Variants in PDE1A observed in about 807,000 individuals in gnomAD.
PDE1A encodes phosphodiesterase 1A.
PDE1A carries 35 observed loss-of-function variants against 61.7 expected under a neutral mutation model. The ratio of observed to expected loss-of-function variants is 0.57; its 90% CI spans 0.43 to 0.75. The LOEUF (loss-of-function observed/expected upper bound fraction) is 0.75, where lower values mean the gene tolerates loss of function less well. Among genes scored for constraint, PDE1A ranks in the 30% least tolerant of loss-of-function variants. The pLI, the probability that PDE1A is intolerant of heterozygous loss-of-function variation, is 0.00. For missense variants in PDE1A, 597 were observed against 630.6 expected (o/e 0.95, Z 0.57); for synonymous variants, 232 against 213.2 (o/e 1.09, Z -0.77).
At chr2:182,499,414 G>C (rs1198105505) in intron 2 of PDE1A, among the ~76,000 whole-genome samples, 1 of 152,126 alleles carries the variant, frequency 6.6e-6, no homozygotes, top group Non-Finnish European at 1.5e-5. Context: ...AGTAGGGACA[G>C]GATTTTACCA....
At chr2:182,480,867 A>C (rs1322784693) in intron 2 of PDE1A, among the ~76,000 whole-genome samples, 1 of 151,866 alleles carries the variant, frequency 6.6e-6, no homozygotes, top group African/African-American at 2.4e-5. Flanking sequence ...GGCTGCATTC[A>C]TGGAAGGGAT....
the PDE1A span, among the ~76,000 whole-genome samples, chr2:182,695,766 G>A: frequency 6.6e-5 from 10 of 151,308 alleles, no homozygotes; most frequent in Non-Finnish European, 1.3e-4. Context: ...ATATCTCATA[G>A]CGGACTGTTA....
chr2:182,663,427 T>C, the PDE1A span, among the ~76,000 whole-genome samples: 1 of 152,210 alleles, frequency 6.6e-6, no homozygotes, highest in Non-Finnish European at 1.5e-5. Context: ...ACAACCTTAA[T>C]GCCTATCTAT....
chr2:182,628,862 A>G, the PDE1A span, among the ~76,000 whole-genome samples: 4 of 152,118 alleles, frequency 2.6e-5, no homozygotes, highest in African/African-American at 9.7e-5. Flanking sequence ...CAGTCCTTGG[A>G]TAAGTGGGAC....
At chr2:182,433,569 T>C (rs1356700499) in intron 2 of PDE1A, among the ~76,000 whole-genome samples, 1 of 152,058 alleles carries the variant, frequency 6.6e-6, no homozygotes, top group Non-Finnish European at 1.5e-5. Flanking sequence ...AATATTGTCT[T>C]AAAGGGGCTC....
intron 1 of PDE1A, among the ~76,000 whole-genome samples, chr2:182,373,785 A>G (rs1427949459): frequency 6.6e-6 from 1 of 152,214 alleles, no homozygotes; most frequent in African/African-American, 2.4e-5. Context: ...AGGCAGGGAC[A>G]GATTAAAAAT....
At chr2:182,419,429 G>C (rs1020124941) in intron 1 of PDE1A, among the ~76,000 whole-genome samples, 1 of 150,406 alleles carries the variant, frequency 6.6e-6, no homozygotes, top group African/African-American at 2.4e-5. Context: ...CCCACCTCCT[G>C]GATTCAAGCA....
At chr2:182,256,145 T>A (rs1263393530) in intron 2 of PDE1A, among the ~76,000 whole-genome samples, 2 of 146,220 alleles carry the variant, frequency 1.4e-5, no homozygotes, top group Non-Finnish European at 3.0e-5. Flanking sequence ...GCAGGTTAGT[T>A]ACATATGTAT....
chr2:182,437,378 ACT>A (rs1310781381), intron 2 of PDE1A, among the ~76,000 whole-genome samples: 3 of 151,908 alleles, frequency 2.0e-5, no homozygotes, highest in Admixed American at 2.0e-4. Context: ...ATTAATTAAA[ACT>A]CTCTACCTTT....
At chr2:182,262,208 T>C (rs1461366617) in intron 2 of PDE1A, among the ~76,000 whole-genome samples, 1 of 110,994 alleles carries the variant, frequency 9.0e-6, no homozygotes, top group Non-Finnish European at 1.8e-5. Flanking sequence ...TTCTCTTTCC[T>C]TCTTTCTTTC....
chr2:182,679,005 C>CTTTTTTTT, the PDE1A span, among the ~76,000 whole-genome samples: 1 of 127,658 alleles, frequency 7.8e-6, no homozygotes, highest in African/African-American at 2.9e-5. Flanking sequence ...TTTGGTTTCT[C>CTTTTTTTT]TTTTTTTTTT....
chr2:182,444,647 C>G (rs1209361087), intron 2 of PDE1A, among the ~76,000 whole-genome samples: 1 of 151,924 alleles, frequency 6.6e-6, no homozygotes, highest in Non-Finnish European at 1.5e-5. Flanking sequence ...CTCTCTCTTT[C>G]TTGCTGAGAC....
At chr2:182,533,379 A>G in the PDE1A span, among the ~76,000 whole-genome samples, 2 of 152,342 alleles carry the variant, frequency 1.3e-5, no homozygotes, top group East Asian at 3.9e-4. Context: ...TGTTCTATTG[A>G]TATATCAATA....
chr2:182,668,730 C>T, the PDE1A span, among the ~76,000 whole-genome samples: 165 of 152,298 alleles, frequency 1.1e-3, no homozygotes, highest in South Asian at 0.018. Context: ...TCGGCTCCTG[C>T]TGCCCCAACG....
the PDE1A span, among the ~76,000 whole-genome samples, chr2:182,713,594 G>A: frequency 6.6e-6 from 1 of 152,172 alleles, no homozygotes; most frequent in Non-Finnish European, 1.5e-5. Context: ...TCGCACCATT[G>A]CACTCCAGCC....
the PDE1A span, among the ~76,000 whole-genome samples, chr2:182,691,254 G>A: frequency 0.09 from 13,741 of 152,170 alleles, 2,072 homozygotes; most frequent in African/African-American, 0.31. Context: ...AAAGCTGGAC[G>A]CATCACACTA....
chr2:182,323,066 G>T (rs1243825628), intron 1 of PDE1A, among the ~76,000 whole-genome samples: 9 of 152,040 alleles, frequency 5.9e-5, no homozygotes, highest in Admixed American at 5.9e-4. Flanking sequence ...AAAGTTGTCT[G>T]CTGACTTATT....
chr2:182,190,369 C>G (rs944544360), intron 10 of PDE1A, among the ~76,000 whole-genome samples: 1 of 152,148 alleles, frequency 6.6e-6, no homozygotes, highest in African/African-American at 2.4e-5. Flanking sequence ...GATTTATACT[C>G]AGCTTAAAGG....
At chr2:182,203,174 G>A (rs1471498666) in intron 8 of PDE1A, among the ~76,000 whole-genome samples, 2 of 151,902 alleles carry the variant, frequency 1.3e-5, no homozygotes, top group Non-Finnish European at 2.9e-5. Flanking sequence ...AAAAAAATTA[G>A]CCAGCCCTGG....
Sources: allele counts gnomAD v4.1 joint callset (sites outside exome capture counted in the v4.1 genomes callset), GRCh38; gene constraint gnomAD v4.1.1; transcripts MANE v1.5; gene names NCBI Gene and HGNC (gene_info 2026-07-23, HGNC 2026-07-21).